Variants in SCIN observed in about 807,000 individuals in gnomAD.
The protein encoded by SCIN is adseverin.
In SCIN, 91 loss-of-function variants were observed where a neutral mutation model predicts 91.8. The observed-to-expected ratio is 0.99, with a 90% CI of 0.84 to 1.18. SCIN has a LOEUF of 1.18. Ranked by LOEUF, SCIN falls within the 50% of genes most tolerant of loss-of-function variation. The pLI is 0.00. For synonymous variants in SCIN, 367 were observed against 312.6 expected, an observed-to-expected ratio of 1.17 and a Z score of -1.84; for missense variants, 1,087 against 863.9, an observed-to-expected ratio of 1.26 and a Z score of -3.24.
chr7:12,646,398 A>G (rs1439787696), intron 13 of SCIN, among the ~76,000 whole-genome samples: 1 of 151,888 alleles, frequency 6.6e-6, no homozygotes, highest in Admixed American at 6.6e-5. Context: ...TTTCCTTATA[A>G]AGACAGACAC....
chr7:12,642,219 A>G (rs1783872159), intron 11 of SCIN, among the ~76,000 whole-genome samples: 1 of 152,030 alleles, frequency 6.6e-6, no homozygotes, highest in African/African-American at 2.4e-5. Flanking sequence ...TCTGGCCACC[A>G]ACTTCTGTCC....
chr7:12,635,866 C>T (rs971754465), intron 9 of SCIN, among the ~76,000 whole-genome samples, 179 bp from the exon 10 acceptor site: 1 of 152,070 alleles, frequency 6.6e-6, no homozygotes, highest in Non-Finnish European at 1.5e-5. Flanking sequence ...CTAGACAACA[C>T]ATAGGACAAT....
chr7:12,635,625 A>AAAAAAAAAAAAAAAAAAG (rs1783734335), intron 9 of SCIN, among the ~76,000 whole-genome samples: 1 of 145,798 alleles, frequency 6.9e-6, no homozygotes, highest in Non-Finnish European at 1.5e-5. Flanking sequence ...AAAAAAAAAA[A>AAAAAAAAAAAAAAAAAAG]AAAAAAAAAA....
chr7:12,625,477 C>T (rs367952792), intron 6 of SCIN, among the ~76,000 whole-genome samples: 5 of 147,490 alleles, frequency 3.4e-5, no homozygotes, highest in Non-Finnish European at 7.4e-5. Context: ...GAGTGCAGCC[C>T]GCCACCACGC....
In SCIN at chr7:12,653,086, C is replaced by G. The variant is rs568212357; in HGVS notation, c.*371C>G. 15 of 141,926 alleles carry G rather than the reference C, an allele frequency of 1.1e-4. No homozygotes were observed. The highest frequency in any genetic ancestry group is 3.6e-3 in the Middle Eastern group (1 of 278). The allele number at this position is 141,926 out of a possible 1,614,324, so 8.8% of individuals were successfully genotyped here. A position where few individuals can be genotyped will look rare whatever the true frequency, so the allele number is the denominator to read the frequency against. On this transcript the variant is annotated 3_prime_UTR_variant, in exon 16 of 16. Coordinates refer to ENST00000297029, the MANE Select transcript of SCIN (RefSeq NM_001112706.3). The surrounding 1 kb of genome is among the most constrained non-coding windows in gnomAD (Gnocchi z 4.1). Reference sequence around the variant, plus strand: ...CGCCACCACACTCCAGCCTGGGCAACAGAGACTCTGTCTCAAAAAAAAAAA... The same window carrying G: ...CGCCACCACACTCCAGCCTGGGCAAGAGAGACTCTGTCTCAAAAAAAAAAA...
chr7:12,624,905 T>G, intron 5 of SCIN, 105 bp from the exon 6 acceptor site: 1 of 1,137,620 alleles, frequency 8.8e-7, no homozygotes, highest in South Asian at 1.8e-5. Flanking sequence ...CAATGCTTTT[T>G]ATTTGATGAC....
In SCIN at chr7:12,649,447, T is replaced by A; in HGVS notation, c.1882-20T>A. 1 of 1,545,928 alleles carries A rather than the reference T, an allele frequency of 6.5e-7. No homozygotes were observed. Among genetic ancestry groups the A allele is most frequent in the Non-Finnish European group, 8.8e-7 (1 of 1,137,994 alleles). On this transcript the variant is annotated intron_variant, in intron 13 of 15. Transcript: ENST00000297029. ...ATTACTGCTTTACTTTTTGCTCATA[T>A]AGCTTTTTATACCTTTCAGATTGAA...
rs769527317 is a variant in SCIN at position 12,622,903 on chromosome 7, C to G, written c.759+10C>G. On this transcript the variant is annotated intron_variant, in intron 5 of 15. Transcript: ENST00000297029. ...GGCTAAACTATACATGGTGAGTTCA[C>G]TGTAACCAAATTTATTGTTTCAACA... 1.3e-6 allele frequency: 2 copies of G among 1,591,888 alleles called. No homozygotes were observed. Among genetic ancestry groups the G allele is most frequent in the Non-Finnish European group, 1.7e-6 (2 of 1,161,296 alleles).
chr7:12,570,729 C>A lies in SCIN; in HGVS notation c.-58C>A, dbSNP rs769586096. On this transcript the variant is annotated 5_prime_UTR_variant, in exon 1 of 16. Coordinates refer to ENST00000297029, the MANE Select transcript of SCIN (RefSeq NM_001112706.3). ...CGAATAAGGTTCCTCCTGCTGCTCT[C>A]GGTTTAGTCCAAGATCAGCGATATC... 3.9e-6 allele frequency: 6 copies of A among 1,521,990 alleles called. No individual in the cohort carries two copies. The highest frequency in any genetic ancestry group is 3.6e-5 in the South Asian group (3 of 82,686). The allele number at this position is 1,521,990 out of a possible 1,614,324, so 94.3% of individuals were successfully genotyped here. A position where few individuals can be genotyped will look rare whatever the true frequency, so the allele number is the denominator to read the frequency against.
intron 3 of SCIN, 62 bp downstream of exon 3, chr7:12,581,283 T>C (rs1021494480): frequency 6.8e-7 from 1 of 1,472,772 alleles, no homozygotes; most frequent in Non-Finnish European, 9.2e-7. Flanking sequence ...GATCAAATCA[T>C]ATGTACATGT....
At chr7:12,581,342 T>G in intron 3 of SCIN, 121 bp downstream of exon 3, 1 of 947,916 alleles carries the variant, frequency 1.1e-6, no homozygotes, top group South Asian at 1.8e-5. Context: ...GCCACGTTTA[T>G]GTGAGCTGAG....
At chr7:12,645,095 G>A (rs906250441) in intron 13 of SCIN, among the ~76,000 whole-genome samples, 2 of 151,284 alleles carry the variant, frequency 1.3e-5, no homozygotes, top group African/African-American at 4.9e-5. Context: ...TGAGACGGGT[G>A]TATCACGAGA....
At position 12,655,084 on chromosome 7, in the gene SCIN, G is replaced by A. The variant is rs565848644; in HGVS notation, c.*2369G>A. On this transcript the variant is annotated 3_prime_UTR_variant, in exon 16 of 16. Coordinates refer to ENST00000297029, the MANE Select transcript of SCIN (RefSeq NM_001112706.3). ...ATGCTCAAGTCCCTTATATAAAACG[G>A]CATAGTATTTGCATAAAACCTATAC... is the stretch of plus-strand genomic sequence containing the variant. The A allele has an allele frequency of 2.0e-5, 3 of 152,220 alleles. No homozygotes were observed. Among genetic ancestry groups the A allele is most frequent in the Admixed American group, 6.5e-5 (1 of 15,288 alleles). 9.4% of individuals were successfully genotyped at this position (152,220 alleles called of 1,614,324 possible).
chr7:12,622,668 T>C, intron 4 of SCIN, 133 bp from the exon 5 acceptor site: 1 of 639,946 alleles, frequency 1.6e-6, no homozygotes, highest in Non-Finnish European at 2.7e-6. Context: ...TATGCATTGA[T>C]GAGAAGTGTT....
rs541750514 is a variant in SCIN at position 12,642,960 on chromosome 7, G to A, written c.1582-1178G>A. The stretch of plus-strand genomic sequence containing the variant: ...ATCTCATCCAGAACCTTCTGTGCAC[G>A]GATTCTTCTGTGTTTAATTATGACT... On this transcript the variant is annotated intron_variant, in intron 11 of 15. Transcript: ENST00000297029. Among the ~76,000 whole-genome samples the A allele has an allele frequency of 1.1e-4, 16 of 152,122 alleles. No individual in the cohort carries two copies. The South Asian group carries it at 2.1e-3, about 20-fold the overall frequency.
intron 1 of SCIN, among the ~76,000 whole-genome samples, chr7:12,573,509 CATGCTTGAATGTATTAACATCAT>C (rs1333098133): frequency 1.3e-5 from 2 of 152,136 alleles, no homozygotes; most frequent in Non-Finnish European, 1.5e-5. Flanking sequence ...ATTAACATTA[CATGCTTGAATGTATTAACATCAT>C]ATGCTTAAAT....
intron 13 of SCIN, among the ~76,000 whole-genome samples, chr7:12,645,653 C>A (rs1361778938): frequency 6.6e-6 from 1 of 152,170 alleles, no homozygotes; most frequent in Non-Finnish European, 1.5e-5. Context: ...CACCTTCCAC[C>A]TTTCGATAGG....
intron 13 of SCIN, among the ~76,000 whole-genome samples, chr7:12,645,467 C>A (rs920785345): frequency 2.2e-5 from 3 of 133,568 alleles, no homozygotes; most frequent in African/African-American, 8.4e-5. Flanking sequence ...ACGGTGACAA[C>A]CTTTGCTCTA....
Position 12,571,109 on chromosome 7 carries a change from C to A in SCIN, c.199+124C>A, listed in dbSNP as rs574529826. 4.9e-4 allele frequency: 537 copies of A among 1,096,394 alleles called. 4 individuals are homozygous for A. The African/African-American group carries it at 7.7e-3, about 16-fold the overall frequency. 67.9% of individuals were successfully genotyped at this position (1,096,394 alleles called of 1,614,324 possible). On this transcript the variant is annotated intron_variant, in intron 1 of 15. Coordinates refer to ENST00000297029, the MANE Select transcript of SCIN (RefSeq NM_001112706.3). ...AAACTGAGCTAGCCACTCGCGCCCC[C>A]ACGGGGCTGCCCTTTGGGGCCGGCC...
Sources: allele counts gnomAD v4.1 joint callset (sites outside exome capture counted in the v4.1 genomes callset), GRCh38; gene constraint gnomAD v4.1.1; non-coding constraint Gnocchi (gnomAD v3.1); transcripts MANE v1.5; gene names NCBI Gene and HGNC (gene_info 2026-07-23, HGNC 2026-07-21).